The following UNC5D variants were observed in gnomAD, a reference collection of about 807,000 sequenced individuals.
UNC5D encodes the protein netrin receptor UNC5D.
UNC5D carries 39 observed loss-of-function variants against 105.4 expected under a neutral mutation model. The ratio of observed to expected loss-of-function variants is 0.37; its 90% CI spans 0.29 to 0.48. The LOEUF (loss-of-function observed/expected upper bound fraction) is 0.48, where lower values mean the gene tolerates loss of function less well. Ranked by LOEUF, UNC5D falls within the 20% of genes least tolerant of loss-of-function variation. The pLI, the probability that UNC5D is intolerant of heterozygous loss-of-function variation, is 0.98. For synonymous variants in UNC5D, 452 were observed against 450.4 expected (o/e 1.00, Z -0.04); for missense variants, 991 against 1,202.4 (o/e 0.82, Z 2.60).
At chr8:35,291,057 T>C (rs1252512019) in intron 1 of UNC5D, among the ~76,000 whole-genome samples, 3 of 151,804 alleles carry the variant, frequency 2.0e-5, no homozygotes, top group Admixed American at 1.3e-4. Flanking sequence ...GATTTTAGAA[T>C]TAAACCTCAG....
chr8:35,266,983 A>G (rs1487166562), intron 1 of UNC5D, among the ~76,000 whole-genome samples: 1 of 152,118 alleles, frequency 6.6e-6, no homozygotes, highest in African/African-American at 2.4e-5. Context: ...GGAAGCTATC[A>G]TGAGGCGACC....
At chr8:35,336,571 G>A (rs917187363) in intron 1 of UNC5D, among the ~76,000 whole-genome samples, 1 of 152,142 alleles carries the variant, frequency 6.6e-6, no homozygotes, top group Admixed American at 6.5e-5. Context: ...AACCAGCCAG[G>A]CATCACAGGA....
intron 1 of UNC5D, among the ~76,000 whole-genome samples, chr8:35,474,576 C>T (rs997492716): frequency 1.3e-5 from 2 of 152,136 alleles, no homozygotes; most frequent in African/African-American, 4.8e-5. Context: ...TTTTTACTGG[C>T]CTATCCTGCA....
At chr8:35,568,602 T>G (rs1334662393) in intron 3 of UNC5D, among the ~76,000 whole-genome samples, 2 of 152,190 alleles carry the variant, frequency 1.3e-5, no homozygotes, top group African/African-American at 4.8e-5. Flanking sequence ...GGCAAGAGAA[T>G]CGCTTGAACC....
intron 16 of UNC5D, among the ~76,000 whole-genome samples, chr8:35,779,648 G>T (rs529740112): frequency 7.4e-4 from 112 of 152,198 alleles, no homozygotes; most frequent in African/African-American, 2.6e-3. Context: ...CAGAGATGGG[G>T]TTTCACCATG....
chr8:35,421,287 G>A (rs1012514741), intron 1 of UNC5D, among the ~76,000 whole-genome samples: 13 of 152,298 alleles, frequency 8.5e-5, no homozygotes, highest in Admixed American at 2.6e-4. Flanking sequence ...CTTTGTGCTA[G>A]GTAACTTGCC....
chr8:35,591,750 A>G (rs1448338962), intron 3 of UNC5D, among the ~76,000 whole-genome samples: 1 of 152,160 alleles, frequency 6.6e-6, no homozygotes, highest in African/African-American at 2.4e-5. Flanking sequence ...GGCACTGGGA[A>G]TAGAGGAGTG....
At chr8:35,568,287 A>C (rs764437413) in intron 3 of UNC5D, 46 bp downstream of exon 3, 1 of 1,600,584 alleles carries the variant, frequency 6.2e-7, no homozygotes, top group Admixed American at 1.7e-5. Context: ...CACAAATGAG[A>C]GTTAAATAGA....
intron 1 of UNC5D, among the ~76,000 whole-genome samples, chr8:35,472,838 G>A (rs771863755): frequency 2.0e-5 from 3 of 152,132 alleles, no homozygotes; most frequent in Non-Finnish European, 4.4e-5. Context: ...GAAGGGTAGT[G>A]AGTAGAGAGT....
intron 14 of UNC5D, among the ~76,000 whole-genome samples, chr8:35,762,604 C>A (rs1801589161): frequency 6.6e-6 from 1 of 152,116 alleles, no homozygotes; most frequent in Non-Finnish European, 1.5e-5. Flanking sequence ...AATTAGCAAC[C>A]CTTCTCTGGG....
At chr8:35,618,607 C>G (rs1263548815) in intron 4 of UNC5D, among the ~76,000 whole-genome samples, 1 of 152,142 alleles carries the variant, frequency 6.6e-6, no homozygotes, top group East Asian at 1.9e-4. Flanking sequence ...ACATTGAGGA[C>G]CCACATGCCA....
intron 3 of UNC5D, among the ~76,000 whole-genome samples, chr8:35,572,814 T>C (rs1051736258): frequency 1.3e-5 from 2 of 150,770 alleles, no homozygotes; most frequent in African/African-American, 4.9e-5. Flanking sequence ...CTTTTTTTTT[T>C]TTTTTTTGAG....
At chr8:35,268,547 T>C (rs1805052055) in intron 1 of UNC5D, among the ~76,000 whole-genome samples, 1 of 152,188 alleles carries the variant, frequency 6.6e-6, no homozygotes, top group South Asian at 2.1e-4. Context: ...TATTAATAAC[T>C]AATGTTTCTG....
At chr8:35,406,842 T>A (rs1356332455) in intron 1 of UNC5D, among the ~76,000 whole-genome samples, 1 of 152,156 alleles carries the variant, frequency 6.6e-6, no homozygotes, top group Admixed American at 6.5e-5. Flanking sequence ...TCCAGTTTTA[T>A]GTTCATTACA....
intron 11 of UNC5D, among the ~76,000 whole-genome samples, chr8:35,733,385 TTTCTTTGTAA>T (rs1243216228): frequency 5.3e-5 from 8 of 152,334 alleles, no homozygotes; most frequent in Non-Finnish European, 8.8e-5. Flanking sequence ...TGTGTCACCT[TTTCTTTGTAA>T]TATCACTTGA....
intron 1 of UNC5D, among the ~76,000 whole-genome samples, chr8:35,372,348 T>C (rs939931061): frequency 6.6e-6 from 1 of 152,074 alleles, no homozygotes; most frequent in Non-Finnish European, 1.5e-5. Context: ...GGTCTTGAAC[T>C]CCTGAGTTCA....
intron 1 of UNC5D, among the ~76,000 whole-genome samples, chr8:35,321,216 A>G (rs1809717141): frequency 6.6e-6 from 1 of 152,188 alleles, no homozygotes; most frequent in East Asian, 1.9e-4. Context: ...CAAACAGACA[A>G]AAACTATCAT....
intron 1 of UNC5D, among the ~76,000 whole-genome samples, chr8:35,279,274 A>C (rs1312375370): frequency 6.6e-6 from 1 of 152,312 alleles, no homozygotes; most frequent in Non-Finnish European, 1.5e-5. Flanking sequence ...TGAAAGAAAA[A>C]GGTAAATAAA....
intron 1 of UNC5D, among the ~76,000 whole-genome samples, chr8:35,268,938 C>G (rs1426000126): frequency 6.6e-6 from 1 of 152,032 alleles, no homozygotes; most frequent in Non-Finnish European, 1.5e-5. Context: ...ATTCAGTGAC[C>G]AAAGTTTGGC....
Sources: allele counts gnomAD v4.1 joint callset (sites outside exome capture counted in the v4.1 genomes callset), GRCh38; gene constraint gnomAD v4.1.1; transcripts MANE v1.5; gene names NCBI Gene and HGNC (gene_info 2026-07-23, HGNC 2026-07-21).